Variants in RNF220 observed in about 807,000 individuals in gnomAD.
RNF220 encodes E3 ubiquitin-protein ligase RNF220.
Under a neutral mutation model 67.1 loss-of-function variants are expected in RNF220, and 7 were observed. The observed-to-expected ratio is 0.10, with a 90% CI of 0.06 to 0.20. The LOEUF (loss-of-function observed/expected upper bound fraction) is 0.20. Ranked by LOEUF, RNF220 falls within the 10% of genes least tolerant of loss-of-function variation. RNF220 has a pLI of 1.00. For synonymous variants in RNF220, 270 were observed against 283.2 expected (o/e 0.95, Z 0.47); for missense variants, 565 against 740.3 (o/e 0.76, Z 2.75).
Position 44,645,620 on chromosome 1 carries a change from A to G in RNF220, c.1445+132A>G, listed in dbSNP as rs573367485. Reference sequence around the variant, plus strand: ...AGCTCAGTGCTGCTGCCCTGGGCACACGGCCGGCAGTGGAGCCCAGCTGGT... The same window carrying G: ...AGCTCAGTGCTGCTGCCCTGGGCACGCGGCCGGCAGTGGAGCCCAGCTGGT... On this transcript the variant is annotated intron_variant, in intron 12 of 14. Transcript: ENST00000361799. The surrounding 1 kb of genome is among the most constrained non-coding windows in gnomAD (Gnocchi z 5.0). 16 of 869,284 alleles carry G rather than the reference A, an allele frequency of 1.8e-5. No individual in the cohort carries two copies. The East Asian group carries it at 3.7e-4, about 20-fold the overall frequency. The allele number at this position is 869,284 out of a possible 1,614,324, so 53.8% of individuals were successfully genotyped here.
At chr1:44,480,928 A>G (rs985315197) in intron 2 of RNF220, among the ~76,000 whole-genome samples, 4 of 152,180 alleles carry the variant, frequency 2.6e-5, no homozygotes, top group African/African-American at 9.6e-5. Context: ...ATGATGAGTT[A>G]CGTCAAATGC....
rs270729 is a variant in RNF220, at chr1:44,622,381, C to T, written c.759-361C>T. ...ACCCCAATCCCACAGGAGCTAAGAG[C>T]GGGCTGGGAACAGGGGGTGGAGAGA... On this transcript the variant is annotated intron_variant, in intron 3 of 14. Transcript: ENST00000361799. This position sits in a 1 kb window ranked among gnomAD's most constrained non-coding sequence, Gnocchi z 4.3. Among the ~76,000 whole-genome samples the T allele has an allele frequency of 0.32, 49,235 of 152,118 alleles. 9,328 individuals are homozygous for T. Among genetic ancestry groups the T allele is most frequent in the Non-Finnish European group, 0.45 (30,693 of 67,958 alleles).
chr1:44,590,928 G>A (rs112893832), intron 2 of RNF220, among the ~76,000 whole-genome samples: 2 of 152,098 alleles, frequency 1.3e-5, no homozygotes, highest in African/African-American at 4.8e-5. Flanking sequence ...CAGGCAGAGG[G>A]AACAGCATGG....
intron 2 of RNF220, among the ~76,000 whole-genome samples, chr1:44,428,561 C>T (rs1236724656): frequency 2.0e-5 from 3 of 152,102 alleles, no homozygotes; most frequent in Non-Finnish European, 2.9e-5. Context: ...TTCCAAGCGC[C>T]GTTCTCACAG....
intron 2 of RNF220, among the ~76,000 whole-genome samples, chr1:44,498,987 C>A (rs188104474): frequency 8.9e-4 from 136 of 152,246 alleles, no homozygotes; most frequent in Middle Eastern, 3.4e-3. Flanking sequence ...AGTAATTATA[C>A]CCCTTCCTAA....
chr1:44,477,895 A>G (rs1655431240), intron 2 of RNF220, among the ~76,000 whole-genome samples: 1 of 152,192 alleles, frequency 6.6e-6, no homozygotes, highest in African/African-American at 2.4e-5. Context: ...AATCTAATCT[A>G]CAACAGTACA....
intron 2 of RNF220, among the ~76,000 whole-genome samples, chr1:44,557,714 G>A (rs571142712): frequency 7.9e-5 from 12 of 152,288 alleles, no homozygotes; most frequent in African/African-American, 2.4e-4. Context: ...CACTGGCCAC[G>A]GTATAAAATC....
intron 2 of RNF220, among the ~76,000 whole-genome samples, chr1:44,559,685 C>G (rs1663412667): frequency 6.6e-6 from 1 of 152,158 alleles, no homozygotes; most frequent in East Asian, 1.9e-4. Flanking sequence ...TCCAGGAAGC[C>G]AGAGCTGAAG....
intron 2 of RNF220, among the ~76,000 whole-genome samples, chr1:44,548,997 G>A: frequency 6.6e-6 from 1 of 152,136 alleles, no homozygotes; most frequent in East Asian, 1.9e-4. Flanking sequence ...GACCAGCCTG[G>A]GCAATGTGGT....
chr1:44,510,938 G>A (rs1319887985), intron 2 of RNF220, among the ~76,000 whole-genome samples: 1 of 152,176 alleles, frequency 6.6e-6, no homozygotes, highest in Non-Finnish European at 1.5e-5. Flanking sequence ...TTGTTGCTCC[G>A]AGGTCTAGGA....
intron 2 of RNF220, among the ~76,000 whole-genome samples, chr1:44,545,310 G>A (rs1662038570): frequency 6.6e-6 from 1 of 152,148 alleles, no homozygotes; most frequent in South Asian, 2.1e-4. Context: ...ATTGAAGGGA[G>A]GTTTGAAAGG....
At chr1:44,462,514 T>C (rs531048066) in intron 2 of RNF220, among the ~76,000 whole-genome samples, 2 of 152,302 alleles carry the variant, frequency 1.3e-5, no homozygotes, top group Admixed American at 1.3e-4. Context: ...GAAAGAAACT[T>C]GATAGAGGTT....
intron 2 of RNF220, chr1:44,572,933 T>C: frequency 1.7e-5 from 6 of 361,508 alleles, no homozygotes; most frequent in South Asian, 1.2e-4. Context: ...ATCCTCCAGG[T>C]GGAAATCACG....
At position 44,650,524 on chromosome 1, in the gene RNF220, C is replaced by T. The variant is rs984049867; in HGVS notation, c.1630-180C>T. The stretch of plus-strand genomic sequence containing the variant: ...GCCAGGCGGTTTGATCCTGGCGTCC[C>T]CCCAACACAGGAGCGTGCCTGCCTG... On this transcript the variant is annotated intron_variant, in intron 14 of 14. Coordinates refer to ENST00000361799, the MANE Select transcript of RNF220 (RefSeq NM_018150.4). The surrounding 1 kb of genome is among the most constrained non-coding windows in gnomAD (Gnocchi z 4.3). 2.2e-5 allele frequency: 14 copies of T among 637,598 alleles called. No individual in the cohort carries two copies. Among genetic ancestry groups the T allele is most frequent in the African/African-American group, 3.6e-5 (2 of 55,232 alleles). 39.5% of individuals were successfully genotyped at this position (637,598 alleles called of 1,614,324 possible).
intron 2 of RNF220, among the ~76,000 whole-genome samples, chr1:44,466,514 G>A (rs916262278): frequency 5.3e-5 from 8 of 152,108 alleles, no homozygotes; most frequent in Non-Finnish European, 8.8e-5. Flanking sequence ...CAGATCCATC[G>A]GAGGAATCAC....
At chr1:44,627,906 G>C (rs1167317320) in intron 5 of RNF220, among the ~76,000 whole-genome samples, 1 of 152,236 alleles carries the variant, frequency 6.6e-6, no homozygotes, top group African/African-American at 2.4e-5. Context: ...TTGGAGAGTA[G>C]AGTGCCCAGC....
chr1:44,412,669 G>A lies in RNF220; in HGVS notation c.572G>A (p.Gly191Asp). 6.2e-7 allele frequency: 1 copy of A among 1,614,138 alleles called. No individual in the cohort carries two copies. The highest frequency in any genetic ancestry group is 8.5e-7 in the Non-Finnish European group (1 of 1,180,020). ...DTGKKIFAVSGLISDREASSS... is the reference protein window; with the variant it reads ...DTGKKIFAVSDLISDREASSS... ...GGGAAGAAGATTTTTGCTGTCTCTG[G>A]CCTCATTTCTGATCGGGAAGCCTCA... The change falls in exon 2 of 15, where the codon GGC becomes GAC. Residue 191 changes from glycine (G) to aspartate (D), a missense_variant. Physicochemically the swap from Gly to Asp is moderately conservative, Grantham distance 94 (BLOSUM62 -1). Coordinates refer to ENST00000361799, the MANE Select transcript of RNF220 (RefSeq NM_018150.4). The surrounding 1 kb of genome is among the most constrained non-coding windows in gnomAD (Gnocchi z 5.3).
At chr1:44,614,801 G>C (rs1490375440) in intron 3 of RNF220, among the ~76,000 whole-genome samples, 1 of 150,252 alleles carries the variant, frequency 6.7e-6, no homozygotes, top group Non-Finnish European at 1.5e-5. Flanking sequence ...CCTTGTCCCT[G>C]CCTGAAGGAC....
Position 44,649,736 on chromosome 1 carries a change from T to C in RNF220, c.1521T>C (p.Ser507=). ...ARVRELERQL[S]RGDRYKCLIC... The stretch of plus-strand genomic sequence containing the variant: ...TCAGAGAACTTGAACGGCAGCTATC[T>C]CGTGGGGACCGTTACAAATGCCTCA... Residue 507 remains serine, a synonymous_variant, in exon 13 of 15, where the codon TCT becomes TCC. Transcript: ENST00000361799. This position sits in a 1 kb window ranked among gnomAD's most constrained non-coding sequence, Gnocchi z 5.9. 4 of 1,614,020 alleles carry C rather than the reference T, an allele frequency of 2.5e-6. No homozygotes were observed. Among genetic ancestry groups the C allele is most frequent in the Non-Finnish European group, 3.4e-6 (4 of 1,179,964 alleles).
Sources: allele counts gnomAD v4.1 joint callset (sites outside exome capture counted in the v4.1 genomes callset), GRCh38; gene constraint gnomAD v4.1.1; non-coding constraint Gnocchi (gnomAD v3.1); transcripts MANE v1.5; gene names NCBI Gene and HGNC (gene_info 2026-07-23, HGNC 2026-07-21).